MAP3K4: variants seen among roughly 807,000 people sequenced by gnomAD.
MAP3K4 encodes mitogen-activated protein kinase kinase kinase 4.
MAP3K4 carries 67 observed loss-of-function variants against 185.6 expected under a neutral mutation model. That is an observed-to-expected ratio of 0.36 (90% CI 0.30 to 0.44). The LOEUF is 0.44. Among genes scored for constraint, MAP3K4 ranks in the 20% least tolerant of loss-of-function variants. The probability of loss-of-function intolerance (pLI) is 1.00; values close to 1 mark genes in which losing one functional copy is unlikely to be tolerated. For missense variants in MAP3K4, 1,551 were observed against 1,995.1 expected (o/e 0.78, Z 4.24); for synonymous variants, 702 against 710.4 (o/e 0.99, Z 0.19).
rs1466397705 is a variant in MAP3K4, at chr6:161,067,223, T to C, written c.1708-3385T>C. The stretch of plus-strand genomic sequence containing the variant: ...GGGAGACATGAGACATCAATCAATA[T>C]ATGTAAGATGTACATTGGTTCCATC... On this transcript the variant is annotated intron_variant, in intron 3 of 26. Transcript: ENST00000392142. This position sits in a 1 kb window ranked among gnomAD's most constrained non-coding sequence, Gnocchi z 6.3. The C allele has an allele frequency of 4.7e-6, 2 of 423,914 alleles. No individual in the cohort carries two copies. 26.3% of individuals were successfully genotyped at this position (423,914 alleles called of 1,614,324 possible).
At chr6:161,015,275 TG>T (rs1050360605) in intron 1 of MAP3K4, among the ~76,000 whole-genome samples, 4 of 145,006 alleles carry the variant, frequency 2.8e-5, no homozygotes, top group Non-Finnish European at 3.0e-5. Flanking sequence ...CATGGACACA[TG>T]GGGGGGAAAC....
intron 1 of MAP3K4, among the ~76,000 whole-genome samples, chr6:161,026,379 C>T (rs993122576): frequency 3.9e-5 from 6 of 152,166 alleles, no homozygotes; most frequent in Middle Eastern, 3.4e-3. Flanking sequence ...TCGTGATCTG[C>T]CCTCCTTGGC....
chr6:161,106,477 G>A lies in MAP3K4; in HGVS notation c.3857-37G>A. On this transcript the variant is annotated intron_variant, in intron 19 of 26. Transcript: ENST00000392142. This position sits in a 1 kb window ranked among gnomAD's most constrained non-coding sequence, Gnocchi z 4.9. ...TCTTTTGGAAACTGACTTGATAACA[G>A]TGATTGGGACTAATGAGGTTTTGGT... 6.7e-7 allele frequency: 1 copy of A among 1,486,390 alleles called. No homozygotes were observed. The highest frequency in any genetic ancestry group is 9.1e-7 in the Non-Finnish European group (1 of 1,093,120). The allele number at this position is 1,486,390 out of a possible 1,614,324, so 92.1% of individuals were successfully genotyped here.
rs1162051151 is a variant in MAP3K4 at position 161,107,408 on chromosome 6, T to C, written c.4049-491T>C. Among the ~76,000 whole-genome samples, 1 of 152,196 alleles carries C rather than the reference T, an allele frequency of 6.6e-6. No individual in the cohort carries two copies. The highest frequency in any genetic ancestry group is 1.5e-5 in the Non-Finnish European group (1 of 68,022). ...AGTACTTTATAAATTGGATTAATTA[T>C]TGTTATCAGTCTTGTCCAGGCACAT... is the stretch of plus-strand genomic sequence containing the variant. On this transcript the variant is annotated intron_variant, in intron 20 of 26. Coordinates refer to ENST00000392142, the MANE Select transcript of MAP3K4 (RefSeq NM_005922.4). This position sits in a 1 kb window ranked among gnomAD's most constrained non-coding sequence, Gnocchi z 6.2.
intron 2 of MAP3K4, among the ~76,000 whole-genome samples, chr6:161,038,078 A>C (rs780224442): frequency 6.8e-6 from 1 of 147,830 alleles, no homozygotes; most frequent in African/African-American, 2.5e-5. Context: ...TTCTCTCCTC[A>C]CTTCCTTTTT....
chr6:161,106,818 A>G lies in MAP3K4; in HGVS notation c.4048+113A>G. On this transcript the variant is annotated intron_variant, in intron 20 of 26. Coordinates refer to ENST00000392142, the MANE Select transcript of MAP3K4 (RefSeq NM_005922.4). This position sits in a 1 kb window ranked among gnomAD's most constrained non-coding sequence, Gnocchi z 4.9. ...GGCCCTTTTTTCTTGTAGACATAGC[A>G]AGTATGCATTGTTATCTTTTTGCAA... is the stretch of plus-strand genomic sequence containing the variant. 1 of 787,904 alleles carries G rather than the reference A, an allele frequency of 1.3e-6. No individual in the cohort carries two copies. The highest frequency in any genetic ancestry group is 1.9e-6 in the Non-Finnish European group (1 of 536,448). The allele number at this position is 787,904 out of a possible 1,614,324, so 48.8% of individuals were successfully genotyped here.
intron 1 of MAP3K4, among the ~76,000 whole-genome samples, chr6:161,012,445 G>T (rs1307251134): frequency 6.6e-6 from 1 of 152,018 alleles, no homozygotes; most frequent in Non-Finnish European, 1.5e-5. Context: ...TAAGCTAGTT[G>T]GAAAAGATGT....
chr6:161,037,044 A>G lies in MAP3K4; in HGVS notation c.343+2595A>G, dbSNP rs933674500. Among the ~76,000 whole-genome samples, 1 of 152,214 alleles carries G rather than the reference A, an allele frequency of 6.6e-6. No individual in the cohort carries two copies. Among genetic ancestry groups the G allele is most frequent in the African/African-American group, 2.4e-5 (1 of 41,456 alleles). The stretch of plus-strand genomic sequence containing the variant: ...AATTTTAAATGTCTCAGTCACATGT[A>G]TATTAGAAAGTGGCTTCACATGTAT... On this transcript the variant is annotated intron_variant, in intron 2 of 26. Coordinates refer to ENST00000392142, the MANE Select transcript of MAP3K4 (RefSeq NM_005922.4). The surrounding 1 kb of genome is among the most constrained non-coding windows in gnomAD (Gnocchi z 4.2).
chr6:161,089,557 C>A, intron 11 of MAP3K4, 86 bp downstream of exon 11: 2 of 1,446,706 alleles, frequency 1.4e-6, no homozygotes, highest in South Asian at 1.4e-5. Flanking sequence ...TAATATCATC[C>A]AAGGAACTTG....
Position 161,080,669 on chromosome 6 carries a change from A to G in MAP3K4, c.2098-212A>G. On this transcript the variant is annotated intron_variant, in intron 5 of 26. Coordinates refer to ENST00000392142, the MANE Select transcript of MAP3K4 (RefSeq NM_005922.4). This position sits in a 1 kb window ranked among gnomAD's most constrained non-coding sequence, Gnocchi z 4.8. ...GAAGGGGTTGTCAATAATATGTTAA[A>G]TTGCTGGGGAGTTAGTTTTGTGATT... is the stretch of plus-strand genomic sequence containing the variant. 2 of 507,510 alleles carry G rather than the reference A, an allele frequency of 3.9e-6. No individual in the cohort carries two copies. The highest frequency in any genetic ancestry group is 4.7e-5 in the South Asian group (2 of 42,970). The allele number at this position is 507,510 out of a possible 1,614,324, so 31.4% of individuals were successfully genotyped here. A position where few individuals can be genotyped will look rare whatever the true frequency, so the allele number is the denominator to read the frequency against.
chr6:161,099,891 T>C (rs903622620), intron 17 of MAP3K4, among the ~76,000 whole-genome samples: 13 of 152,232 alleles, frequency 8.5e-5, no homozygotes, highest in African/African-American at 2.9e-4. Flanking sequence ...AGAAGCAGTT[T>C]TTCAGCATTT....
In MAP3K4 at chr6:161,070,706, G is replaced by A; in HGVS notation, c.1806G>A (p.Glu602=). Residue 602 remains glutamate, a synonymous_variant, in exon 4 of 27, where the codon GAG becomes GAA. Transcript: ENST00000392142. This position sits in a 1 kb window ranked among gnomAD's most constrained non-coding sequence, Gnocchi z 4.5. The part of the protein sequence containing the change: ...SEEKCSAVSW[E]ELKAMDLPSF... ...AGAAATGCAGTGCTGTGTCGTGGGA[G>A]GAGCTGAAGGCCATGGATTTACCTT... 1 of 1,614,146 alleles carries A rather than the reference G, an allele frequency of 6.2e-7. No homozygotes were observed. Among genetic ancestry groups the A allele is most frequent in the Non-Finnish European group, 8.5e-7 (1 of 1,180,034 alleles).
rs981908210 is a variant in MAP3K4, at chr6:161,098,082, G to A, written c.3525-196G>A. On this transcript the variant is annotated intron_variant, in intron 16 of 26. Transcript: ENST00000392142. This position sits in a 1 kb window ranked among gnomAD's most constrained non-coding sequence, Gnocchi z 4.4. ...AGCCTGGACAACAGGGTGCGATGCTGTCTCAAAAAAAAGAAAAGCTTTGAA... is the reference window on the plus strand; with the variant it reads ...AGCCTGGACAACAGGGTGCGATGCTATCTCAAAAAAAAGAAAAGCTTTGAA... Among the ~76,000 whole-genome samples, 7 of 151,782 alleles carry A rather than the reference G, an allele frequency of 4.6e-5. No individual in the cohort carries two copies. The highest frequency in any genetic ancestry group is 1.7e-4 in the African/African-American group (7 of 41,326).
Position 161,067,123 on chromosome 6 carries a change from TG to T in MAP3K4, c.1708-3484del, listed in dbSNP as rs1784747231. 1 of 209,458 alleles carries T rather than the reference TG, an allele frequency of 4.8e-6. No homozygotes were observed. The highest frequency in any genetic ancestry group is 1.0e-5 in the Non-Finnish European group (1 of 98,722). 13.0% of individuals were successfully genotyped at this position (209,458 alleles called of 1,614,324 possible). On this transcript the variant is annotated intron_variant, in intron 3 of 26. Coordinates refer to ENST00000392142, the MANE Select transcript of MAP3K4 (RefSeq NM_005922.4). The surrounding 1 kb of genome is among the most constrained non-coding windows in gnomAD (Gnocchi z 6.3). ...TGCCAAGGTCAAGGATGTGTGCGCC[TG>T]TGACACAGCCTCAGGACGTCCTGAC...
chr6:161,066,192 C>T (rs1349456870), intron 3 of MAP3K4, among the ~76,000 whole-genome samples: 1 of 152,018 alleles, frequency 6.6e-6, no homozygotes, highest in African/African-American at 2.4e-5. Flanking sequence ...CATAACCATA[C>T]TTTGAATAGT....
chr6:161,073,329 G>A lies in MAP3K4; in HGVS notation c.1951-137G>A. 3 of 714,364 alleles carry A rather than the reference G, an allele frequency of 4.2e-6. No individual in the cohort carries two copies. Among genetic ancestry groups the A allele is most frequent in the Non-Finnish European group, 6.5e-6 (3 of 461,462 alleles). The allele number at this position is 714,364 out of a possible 1,614,324, so 44.3% of individuals were successfully genotyped here. On this transcript the variant is annotated intron_variant, in intron 4 of 26. Coordinates refer to ENST00000392142, the MANE Select transcript of MAP3K4 (RefSeq NM_005922.4). The surrounding 1 kb of genome is among the most constrained non-coding windows in gnomAD (Gnocchi z 4.2). ...TATTTACATAAAATGAACTGATCAA[G>A]AATCTAGAAACTATTGTAGGTTTTT...
intron 3 of MAP3K4, among the ~76,000 whole-genome samples, chr6:161,066,150 T>A (rs1348062559): frequency 6.6e-6 from 1 of 152,162 alleles, no homozygotes; most frequent in Admixed American, 6.5e-5. Context: ...ATTTTTTTAT[T>A]CCAGTCTAGT....
Position 161,107,501 on chromosome 6 carries a change from G to A in MAP3K4, c.4049-398G>A, listed in dbSNP as rs1305189241. On this transcript the variant is annotated intron_variant, in intron 20 of 26. Transcript: ENST00000392142. The surrounding 1 kb of genome is among the most constrained non-coding windows in gnomAD (Gnocchi z 6.2). Reference sequence around the variant, plus strand: ...TTTGCTCCCACACACTCCTGGACATGTGCCAGTGAGGAAGACAATGGTCAG... The same window carrying A: ...TTTGCTCCCACACACTCCTGGACATATGCCAGTGAGGAAGACAATGGTCAG... Among the ~76,000 whole-genome samples the A allele has an allele frequency of 2.6e-5, 4 of 152,192 alleles. No individual in the cohort carries two copies. Among genetic ancestry groups the A allele is most frequent in the African/African-American group, 9.7e-5 (4 of 41,450 alleles).
intron 1 of MAP3K4, among the ~76,000 whole-genome samples, chr6:161,006,518 A>G (rs1275398754): frequency 6.6e-6 from 1 of 152,214 alleles, no homozygotes; most frequent in Admixed American, 6.5e-5. Context: ...TTATATGCAG[A>G]TATCGTCATT....
Sources: allele counts gnomAD v4.1 joint callset (sites outside exome capture counted in the v4.1 genomes callset), GRCh38; gene constraint gnomAD v4.1.1; non-coding constraint Gnocchi (gnomAD v3.1); transcripts MANE v1.5; gene names NCBI Gene and HGNC (gene_info 2026-07-23, HGNC 2026-07-21).